SMIM10L3: variants seen among roughly 807,000 people sequenced by gnomAD.
SMIM10L3 encodes the protein small integral membrane protein 10 like 3.
the SMIM10L3 span, among the ~76,000 whole-genome samples, chr7:6,347,463 C>T: frequency 6.6e-6 from 1 of 151,640 alleles, no homozygotes; most frequent in African/African-American, 2.4e-5. Flanking sequence ...TTGCAGTGAG[C>T]TGAGATGGCG....
chr7:6,330,278 C>G, the SMIM10L3 span: 2 of 1,133,220 alleles, frequency 1.8e-6, no homozygotes, highest in Non-Finnish European at 2.5e-6. Flanking sequence ...ACAGCAGGAA[C>G]CTAAGGGCTG....
the SMIM10L3 span, among the ~76,000 whole-genome samples, chr7:6,338,441 T>C: frequency 6.6e-6 from 1 of 152,156 alleles, no homozygotes; most frequent in African/African-American, 2.4e-5. Context: ...ACCAGAATGA[T>C]GGAAGGAGTC....
At chr7:6,345,700 C>G in the SMIM10L3 span, among the ~76,000 whole-genome samples, 1 of 152,194 alleles carries the variant, frequency 6.6e-6, no homozygotes, top group Non-Finnish European at 1.5e-5. Context: ...GAGCCAAATA[C>G]AGCCTGTAGA....
chr7:6,333,313 G>C, the SMIM10L3 span, among the ~76,000 whole-genome samples: 2 of 152,202 alleles, frequency 1.3e-5, no homozygotes, highest in Admixed American at 1.3e-4. Context: ...GGAGCCAGCC[G>C]AGAAGCTTCA....
the SMIM10L3 span, among the ~76,000 whole-genome samples, chr7:6,342,703 C>A: frequency 2.0e-5 from 3 of 151,916 alleles, no homozygotes; most frequent in Non-Finnish European, 4.4e-5. Flanking sequence ...TGAAAGCAAC[C>A]CAAAAGTCCA....
the SMIM10L3 span, among the ~76,000 whole-genome samples, chr7:6,333,840 C>CT: frequency 0.031 from 2,998 of 96,808 alleles, 99 homozygotes; most frequent in Non-Finnish European, 0.034. Context: ...CTCCTGGCCT[C>CT]TTTTTTTTTT....
At chr7:6,331,201 G>A in the SMIM10L3 span, 2 of 1,552,604 alleles carry the variant, frequency 1.3e-6, no homozygotes, top group Non-Finnish European at 1.7e-6. Context: ...GCCTTCGTCA[G>A]TCTGGGAGGG....
At chr7:6,337,874 G>A in the SMIM10L3 span, among the ~76,000 whole-genome samples, 1 of 151,476 alleles carries the variant, frequency 6.6e-6, no homozygotes, top group Non-Finnish European at 1.5e-5. Context: ...TGCAATCTTG[G>A]CTCACTGCAA....
chr7:6,332,295 C>T, the SMIM10L3 span, among the ~76,000 whole-genome samples: 3 of 151,900 alleles, frequency 2.0e-5, no homozygotes, highest in Non-Finnish European at 4.4e-5. Flanking sequence ...CAAAAAAGTT[C>T]CTGTCCAAAG....
chr7:6,344,856 C>T, the SMIM10L3 span, among the ~76,000 whole-genome samples: 6 of 151,882 alleles, frequency 4.0e-5, no homozygotes, highest in East Asian at 9.7e-4. Context: ...ATTCTCCTGC[C>T]TCAGCCTCCC....
chr7:6,343,851 C>T, the SMIM10L3 span, among the ~76,000 whole-genome samples: 2 of 152,182 alleles, frequency 1.3e-5, no homozygotes, highest in Non-Finnish European at 2.9e-5. Context: ...GGCCTTATTA[C>T]TCATGAAACA....
At chr7:6,332,166 T>C in the SMIM10L3 span, among the ~76,000 whole-genome samples, 1 of 151,178 alleles carries the variant, frequency 6.6e-6, no homozygotes. Flanking sequence ...AAAAATAACA[T>C]GACTGGGCAT....
the SMIM10L3 span, among the ~76,000 whole-genome samples, chr7:6,344,519 C>T: frequency 6.6e-6 from 1 of 151,902 alleles, no homozygotes; most frequent in African/African-American, 2.4e-5. Context: ...ACCTTCTGGC[C>T]TCAAGTGATC....
At chr7:6,331,930 G>A in the SMIM10L3 span, among the ~76,000 whole-genome samples, 2 of 151,688 alleles carry the variant, frequency 1.3e-5, no homozygotes, top group East Asian at 1.9e-4. Context: ...ATTTTTAGTA[G>A]AGATGAGGGT....
chr7:6,338,953 T>C, the SMIM10L3 span, among the ~76,000 whole-genome samples: 1 of 152,048 alleles, frequency 6.6e-6, no homozygotes, highest in Non-Finnish European at 1.5e-5. Context: ...ATGGGCCAGC[T>C]CCACACCCCT....
At chr7:6,345,320 G>A in the SMIM10L3 span, among the ~76,000 whole-genome samples, 2 of 152,036 alleles carry the variant, frequency 1.3e-5, no homozygotes, top group South Asian at 2.1e-4. Context: ...TTGCTGTGTT[G>A]CCCAGGCTGG....
chr7:6,336,836 T>C, the SMIM10L3 span, among the ~76,000 whole-genome samples: 30 of 152,220 alleles, frequency 2.0e-4, no homozygotes, highest in African/African-American at 7.2e-4. Flanking sequence ...TTGTATTTTG[T>C]GTAGAGACAA....
chr7:6,345,028 CCCACCACGCCCGG>C, the SMIM10L3 span, among the ~76,000 whole-genome samples: 67 of 152,042 alleles, frequency 4.4e-4, no homozygotes, highest in African/African-American at 1.6e-3. Flanking sequence ...AGGCGTAAAT[CCCACCACGCCCGG>C]CCACTGCGCC....
chr7:6,330,985 T>A, the SMIM10L3 span: 10 of 1,614,110 alleles, frequency 6.2e-6, no homozygotes, highest in Non-Finnish European at 8.5e-6. Flanking sequence ...TGCCTCACTT[T>A]GTGAATTTCC....
Sources: allele counts gnomAD v4.1 joint callset (sites outside exome capture counted in the v4.1 genomes callset), GRCh38; gene constraint gnomAD v4.1.1; transcripts MANE v1.5; gene names NCBI Gene and HGNC (gene_info 2026-07-23, HGNC 2026-07-21).